NRDC: variants seen among roughly 807,000 people sequenced by gnomAD.
NRDC encodes the protein nardilysin.
NRDC carries 54 observed loss-of-function variants against 147.1 expected under a neutral mutation model. The observed-to-expected ratio is 0.37, with a 90% CI of 0.29 to 0.46. The LOEUF is 0.46. Ranked by LOEUF, NRDC falls within the 20% of genes least tolerant of loss-of-function variation. The pLI is 1.00. For synonymous variants in NRDC, 440 were observed against 482.1 expected (o/e 0.91, Z 1.14); for missense variants, 1,082 against 1,370.6 (o/e 0.79, Z 3.33).
intron 29 of NRDC, 33 bp downstream of exon 29, chr1:51,790,500 G>C: frequency 7.3e-7 from 1 of 1,375,854 alleles, no homozygotes; most frequent in Non-Finnish European, 1.0e-6. Flanking sequence ...ACCTTGACCA[G>C]TTTGAGCTGT....
rs2124169754 is a variant in NRDC, at chr1:51,878,646, G to T, written c.-31C>A. 2 of 1,570,938 alleles carry T rather than the reference G, an allele frequency of 1.3e-6. No homozygotes were observed. Among genetic ancestry groups the T allele is most frequent in the East Asian group, 2.3e-5 (1 of 43,576 alleles). ...ACCAAGCTGGAGCGATGGACATCCC[G>T]CTTCCCAGGACCCACCTCCTCCGCG... On this transcript the variant is annotated 5_prime_UTR_variant, in exon 1 of 31. Transcript: ENST00000352171.
At chr1:51,878,109 A>G in intron 1 of NRDC, 166 bp downstream of exon 1, 1 of 1,424,860 alleles carries the variant, frequency 7.0e-7, no homozygotes, top group Non-Finnish European at 9.2e-7. Flanking sequence ...AGCTGACACC[A>G]CAGGGAAGCC....
intron 9 of NRDC, among the ~76,000 whole-genome samples, chr1:51,819,546 G>C (rs1452242722): frequency 6.6e-6 from 1 of 152,098 alleles, no homozygotes; most frequent in African/African-American, 2.4e-5. Context: ...GAACAAAAGG[G>C]AAGAAAGGTA....
intron 4 of NRDC, among the ~76,000 whole-genome samples, chr1:51,832,085 C>CACT (rs1473205889): frequency 1.3e-5 from 2 of 151,866 alleles, no homozygotes; most frequent in Non-Finnish European, 2.9e-5. Context: ...CCCACTCTGT[C>CACT]ACTCAGGCTG....
intron 9 of NRDC, 101 bp downstream of exon 9, chr1:51,819,699 C>T (rs935228752): frequency 1.5e-5 from 13 of 891,794 alleles, no homozygotes; most frequent in African/African-American, 1.2e-4. Context: ...GCTGTATTTT[C>T]TGTTGTGTTC....
chr1:51,876,993 C>T lies in NRDC; in HGVS notation c.341+1282G>A, dbSNP rs185091495. ...CACAAGGTCAAGAGATCGAAACCAT[C>T]CTGGCCAATATGGTGAAACCCCGTC... is the stretch of plus-strand genomic sequence containing the variant. On this transcript the variant is annotated intron_variant, in intron 1 of 30. Transcript: ENST00000352171. 5.9e-5 allele frequency among the ~76,000 whole-genome samples: 9 copies of T among 152,020 alleles called. No individual in the cohort carries two copies. The East Asian group carries it at 1.8e-3, about 30-fold the overall frequency.
chr1:51,833,116 A>C (rs902978944), intron 4 of NRDC, among the ~76,000 whole-genome samples: 12 of 152,206 alleles, frequency 7.9e-5, no homozygotes, highest in Non-Finnish European at 1.6e-4. Flanking sequence ...AGTTGGAGGC[A>C]ATCTTATCCC....
At chr1:51,817,790 A>T (rs909867046) in intron 10 of NRDC, among the ~76,000 whole-genome samples, 4 of 152,162 alleles carry the variant, frequency 2.6e-5, no homozygotes, top group Non-Finnish European at 4.4e-5. Context: ...TTTATTTTTG[A>T]CAAGATCGAA....
At chr1:51,801,085 C>A in intron 20 of NRDC, 1 of 155,462 alleles carries the variant, frequency 6.4e-6, no homozygotes, top group South Asian at 2.0e-4. Flanking sequence ...TCAAGTGATC[C>A]TCCTGCCTCA....
chr1:51,817,957 G>A (rs746764937), intron 10 of NRDC, 109 bp downstream of exon 10: 29 of 743,896 alleles, frequency 3.9e-5, no homozygotes, highest in Non-Finnish European at 4.7e-5. Flanking sequence ...CCAGGTTACC[G>A]TATTGCTATG....
intron 1 of NRDC, among the ~76,000 whole-genome samples, chr1:51,872,171 A>G (rs1014732465): frequency 2.6e-5 from 4 of 152,214 alleles, no homozygotes; most frequent in Non-Finnish European, 5.9e-5. Context: ...GCGCCCAGTC[A>G]GAAAAACAGA....
At chr1:51,849,028 A>G (rs1681800165) in intron 1 of NRDC, among the ~76,000 whole-genome samples, 1 of 152,182 alleles carries the variant, frequency 6.6e-6, no homozygotes, top group Non-Finnish European at 1.5e-5. Context: ...GGGAACATCC[A>G]ATATTATAAA....
intron 1 of NRDC, among the ~76,000 whole-genome samples, chr1:51,871,030 C>T (rs964045768): frequency 5.9e-5 from 9 of 152,000 alleles, no homozygotes; most frequent in South Asian, 2.1e-4. Flanking sequence ...AAATTTCTCA[C>T]TCTTGGCCGG....
At chr1:51,871,497 TCTC>T (rs566857693) in intron 1 of NRDC, among the ~76,000 whole-genome samples, 90 of 124,222 alleles carry the variant, frequency 7.2e-4, no homozygotes, top group African/African-American at 2.8e-3. Context: ...CTTCAAGAAT[TCTC>T]CTCCACTGGT....
chr1:51,796,847 A>T (rs1257657526), intron 22 of NRDC, among the ~76,000 whole-genome samples: 6 of 148,254 alleles, frequency 4.0e-5, no homozygotes, highest in Non-Finnish European at 8.9e-5. Context: ...CGGCCTCCCA[A>T]AGTGCTGGGA....
chr1:51,865,650 T>C (rs1256576274), intron 1 of NRDC, among the ~76,000 whole-genome samples: 3 of 152,146 alleles, frequency 2.0e-5, no homozygotes, highest in Non-Finnish European at 4.4e-5. Flanking sequence ...CTGAATTCAG[T>C]GGTATTCACA....
chr1:51,839,106 C>A (rs1052321055), intron 2 of NRDC, among the ~76,000 whole-genome samples: 1 of 151,676 alleles, frequency 6.6e-6, no homozygotes, highest in African/African-American at 2.4e-5. Flanking sequence ...ATCATATCTA[C>A]TACTTATACC....
chr1:51,802,241 T>C (rs1390076560), intron 20 of NRDC, among the ~76,000 whole-genome samples: 1 of 152,210 alleles, frequency 6.6e-6, no homozygotes, highest in Non-Finnish European at 1.5e-5. Flanking sequence ...AATTTCCTAA[T>C]ATTCCACAAC....
rs186074448 is a variant in NRDC at position 51,856,513 on chromosome 1, T to C, written c.342-15999A>G. Among the ~76,000 whole-genome samples the C allele has an allele frequency of 1.6e-3, 246 of 152,206 alleles. 2 individuals carry two copies. Among genetic ancestry groups the C allele is most frequent in the Non-Finnish European group, 2.0e-3 (134 of 68,010 alleles). On this transcript the variant is annotated intron_variant, in intron 1 of 30. Coordinates refer to ENST00000352171, the MANE Select transcript of NRDC (RefSeq NM_001101662.2). Reference sequence around the variant, plus strand: ...AATTTGCTGGAGGGCTCACAGAACTTTGGGAAACACTTACATTTACTGGTT... The same window carrying C: ...AATTTGCTGGAGGGCTCACAGAACTCTGGGAAACACTTACATTTACTGGTT...
Sources: gnomAD v4.1 joint callset for allele counts (sites outside exome capture counted in the v4.1 genomes callset) on GRCh38, gnomAD v4.1.1 for gene constraint, MANE v1.5 for transcripts, NCBI Gene and HGNC (gene_info 2026-07-23, HGNC 2026-07-21) for gene names.